Variants in ZBTB7C observed in about 807,000 individuals in gnomAD.
ZBTB7C encodes zinc finger and BTB domain containing 7C.
ZBTB7C carries 8 observed loss-of-function variants against 25.7 expected under a neutral mutation model. That is an observed-to-expected ratio of 0.31 (90% confidence interval 0.18 to 0.56). The LOEUF (loss-of-function observed/expected upper bound fraction) is 0.56. ZBTB7C is among the 20% of genes least tolerant of loss of function. The pLI is 0.91. For synonymous variants in ZBTB7C, 394 were observed against 369.0 expected, an observed-to-expected ratio of 1.07 and a Z score of -0.78; for missense variants, 824 against 855.2, an observed-to-expected ratio of 0.96 and a Z score of 0.46.
At chr18:48,245,086 G>T (rs1396197646) in intron 2 of ZBTB7C, among the ~76,000 whole-genome samples, 1 of 30,550 alleles carries the variant, frequency 3.3e-5, no homozygotes, top group Non-Finnish European at 8.5e-5. Flanking sequence ...AGTAGTGTGT[G>T]TGTGTGTATA....
intron 2 of ZBTB7C, among the ~76,000 whole-genome samples, chr18:48,301,172 G>A (rs1444341631): frequency 6.6e-6 from 1 of 152,174 alleles, no homozygotes; most frequent in Non-Finnish European, 1.5e-5. Context: ...ACTCCAGAAG[G>A]GCTATTTGTT....
chr18:48,396,812 C>G (rs1019852245), intron 1 of ZBTB7C, among the ~76,000 whole-genome samples: 2 of 152,174 alleles, frequency 1.3e-5, no homozygotes, highest in African/African-American at 4.8e-5. Flanking sequence ...TGCTGAACCA[C>G]GAGCCACAAT....
chr18:48,152,143 A>G (rs1445943421), intron 3 of ZBTB7C, among the ~76,000 whole-genome samples: 1 of 152,152 alleles, frequency 6.6e-6, no homozygotes, highest in Non-Finnish European at 1.5e-5. Flanking sequence ...GTGTTTACAT[A>G]GGAGAGCTGG....
At chr18:48,126,965 C>A (rs1447204263) in intron 3 of ZBTB7C, among the ~76,000 whole-genome samples, 2 of 152,062 alleles carry the variant, frequency 1.3e-5, no homozygotes, top group African/African-American at 4.8e-5. Context: ...GAAAAGAGAA[C>A]CTTCAAGGTT....
At chr18:48,210,683 C>T (rs1353549858) in intron 2 of ZBTB7C, among the ~76,000 whole-genome samples, 1 of 151,534 alleles carries the variant, frequency 6.6e-6, no homozygotes, top group Non-Finnish European at 1.5e-5. Flanking sequence ...GGAGTGACTG[C>T]TAATGGGTAC....
chr18:48,320,437 T>C (rs1428024105), intron 2 of ZBTB7C, among the ~76,000 whole-genome samples: 1 of 152,194 alleles, frequency 6.6e-6, no homozygotes, highest in Non-Finnish European at 1.5e-5. Flanking sequence ...GATCCTGCTG[T>C]CCGCTGCGCC....
chr18:48,057,952 C>T (rs537996360), intron 3 of ZBTB7C, among the ~76,000 whole-genome samples: 8 of 152,280 alleles, frequency 5.3e-5, no homozygotes, highest in Admixed American at 2.6e-4. Flanking sequence ...GTAATGTCCC[C>T]GTGGCCACAT....
At position 48,290,398 on chromosome 18, in the gene ZBTB7C, G is replaced by A. The variant is rs113551370; in HGVS notation, c.-79+47776C>T. Among the ~76,000 whole-genome samples the A allele has an allele frequency of 9.8e-3, 1,490 of 152,342 alleles. 20 individuals carry two copies. Among genetic ancestry groups the A allele is most frequent in the African/African-American group, 0.033 (1,379 of 41,570 alleles). The stretch of plus-strand genomic sequence containing the variant: ...ACTGAGGGGTAGCAGGACTCTGTGC[G>A]GGGAGAGGGTGGGCAATGGCTTCTG... On this transcript the variant is annotated intron_variant, in intron 2 of 4. Coordinates refer to ENST00000590800, the MANE Select transcript of ZBTB7C (RefSeq NM_001318841.2).
At chr18:48,076,654 G>A (rs2037776646) in intron 3 of ZBTB7C, among the ~76,000 whole-genome samples, 1 of 152,190 alleles carries the variant, frequency 6.6e-6, no homozygotes, top group Admixed American at 6.5e-5. Context: ...TGGGCAGGGA[G>A]CAGGGTGAGG....
chr18:48,055,970 C>A (rs73447932), intron 3 of ZBTB7C, among the ~76,000 whole-genome samples: 8,250 of 152,098 alleles, frequency 0.054, 772 homozygotes, highest in African/African-American at 0.19. Context: ...GGTCGGCTTC[C>A]CATTTGAAGT....
At chr18:48,327,592 C>A (rs573477750) in intron 2 of ZBTB7C, among the ~76,000 whole-genome samples, 1 of 152,260 alleles carries the variant, frequency 6.6e-6, no homozygotes, top group Admixed American at 6.5e-5. Flanking sequence ...AGTGCCAAAG[C>A]TCTGGGGGTA....
At chr18:48,286,247 T>C (rs1244351810) in intron 2 of ZBTB7C, among the ~76,000 whole-genome samples, 3 of 151,820 alleles carry the variant, frequency 2.0e-5, no homozygotes, top group Non-Finnish European at 4.4e-5. Flanking sequence ...TGTGTGTGTG[T>C]GTGTGTGTGT....
At position 48,224,651 on chromosome 18, in the gene ZBTB7C, G is replaced by A. The variant is rs116952555; in HGVS notation, c.-78-38656C>T. 3.3e-3 allele frequency among the ~76,000 whole-genome samples: 510 copies of A among 152,272 alleles called. 5 individuals are homozygous for A. The highest frequency in any genetic ancestry group is 6.8e-3 in the Middle Eastern group (2 of 294). Reference sequence around the variant, plus strand: ...GAGGGGCTCTGTCTGACAGATGTACGTTCAAACACCAACACTACCACTTAC... The same window carrying A: ...GAGGGGCTCTGTCTGACAGATGTACATTCAAACACCAACACTACCACTTAC... On this transcript the variant is annotated intron_variant, in intron 2 of 4. Coordinates refer to ENST00000590800, the MANE Select transcript of ZBTB7C (RefSeq NM_001318841.2).
At chr18:48,276,412 C>A (rs1397952106) in intron 2 of ZBTB7C, among the ~76,000 whole-genome samples, 1 of 148,108 alleles carries the variant, frequency 6.8e-6, no homozygotes, top group Admixed American at 6.7e-5. Flanking sequence ...AACTCGTCAT[C>A]TAGCATTAGG....
intron 3 of ZBTB7C, among the ~76,000 whole-genome samples, chr18:48,166,777 AT>A (rs1444255353): frequency 2.0e-5 from 3 of 152,178 alleles, no homozygotes; most frequent in African/African-American, 7.2e-5. Flanking sequence ...TATTGGGCAC[AT>A]TTGGTGATGG....
intron 2 of ZBTB7C, among the ~76,000 whole-genome samples, chr18:48,273,129 A>G (rs2044541333): frequency 6.6e-6 from 1 of 152,206 alleles, no homozygotes; most frequent in Non-Finnish European, 1.5e-5. Context: ...GTACACTTTA[A>G]AAGTGCGAAA....
intron 2 of ZBTB7C, among the ~76,000 whole-genome samples, chr18:48,215,906 C>T (rs1241786628): frequency 2.0e-5 from 3 of 152,184 alleles, no homozygotes; most frequent in East Asian, 1.9e-4. Flanking sequence ...TCCTTCAGGG[C>T]CTGCTGTCAT....
chr18:48,409,397 G>T (rs1443323153), upstream of ZBTB7C: 2 of 146,700 alleles, frequency 1.4e-5, no homozygotes, highest in African/African-American at 2.5e-5. Flanking sequence ...GCTGAGCGGC[G>T]GCAGCGGGCG....
intron 2 of ZBTB7C, among the ~76,000 whole-genome samples, chr18:48,225,481 T>C (rs549336276): frequency 4.3e-4 from 65 of 152,314 alleles, no homozygotes; most frequent in Middle Eastern, 3.4e-3. Flanking sequence ...CTGCTTTCGG[T>C]AGCATGGCTG....
Sources: gnomAD v4.1 joint callset for allele counts (sites outside exome capture counted in the v4.1 genomes callset) on GRCh38, gnomAD v4.1.1 for gene constraint, MANE v1.5 for transcripts, NCBI Gene and HGNC (gene_info 2026-07-23, HGNC 2026-07-21) for gene names.